BICC1: variants seen among roughly 807,000 people sequenced by gnomAD.
The protein encoded by BICC1 is BicC family RNA binding protein 1.
BICC1 carries 43 observed loss-of-function variants against 111.0 expected under a neutral mutation model. The ratio of observed to expected loss-of-function variants is 0.39; its 90% CI spans 0.30 to 0.50. The LOEUF (loss-of-function observed/expected upper bound fraction) is 0.50. Among genes scored for constraint, BICC1 ranks in the 20% least tolerant of loss-of-function variants. BICC1 has a pLI of 0.88. For missense variants in BICC1, 1,091 were observed against 1,203.2 expected, an observed-to-expected ratio of 0.91 and a Z score of 1.38; for synonymous variants, 467 against 434.4, an observed-to-expected ratio of 1.07 and a Z score of -0.93.
intron 2 of BICC1, among the ~76,000 whole-genome samples, chr10:58,659,242 C>T (rs1026715574): frequency 2.0e-5 from 3 of 152,054 alleles, no homozygotes; most frequent in Non-Finnish European, 4.4e-5. Context: ...TGGGTATGTA[C>T]CCGAAGGAAT....
At chr10:58,653,288 GT>G (rs917215710) in intron 2 of BICC1, among the ~76,000 whole-genome samples, 1 of 152,072 alleles carries the variant, frequency 6.6e-6, no homozygotes, top group Non-Finnish European at 1.5e-5. Flanking sequence ...ACCAGAAATA[GT>G]TTTGGGATTC....
intron 1 of BICC1, among the ~76,000 whole-genome samples, chr10:58,602,510 A>T (rs749349080): frequency 8.5e-5 from 13 of 152,212 alleles, no homozygotes; most frequent in Non-Finnish European, 1.8e-4. Flanking sequence ...CTTTAAACGG[A>T]ATAAATTATA....
chr10:58,569,785 C>T (rs1398443710), intron 1 of BICC1, among the ~76,000 whole-genome samples: 1 of 152,166 alleles, frequency 6.6e-6, no homozygotes, highest in Non-Finnish European at 1.5e-5. Context: ...TTCATCCAGT[C>T]TGTCATTGGT....
chr10:58,512,610 A>G (rs1197182669), upstream of BICC1, among the ~76,000 whole-genome samples: 1 of 151,762 alleles, frequency 6.6e-6, no homozygotes, highest in African/African-American at 2.4e-5. Flanking sequence ...TTACGTGGAT[A>G]CTCCATGTGC....
At chr10:58,689,588 C>T (rs187152452) in intron 2 of BICC1, among the ~76,000 whole-genome samples, 2 of 152,322 alleles carry the variant, frequency 1.3e-5, no homozygotes, top group African/African-American at 4.8e-5. Context: ...AGGAAAAAAG[C>T]AAGAGACAGT....
chr10:58,578,145 C>T (rs898726567), intron 1 of BICC1, among the ~76,000 whole-genome samples: 5 of 152,228 alleles, frequency 3.3e-5, no homozygotes, highest in East Asian at 3.9e-4. Context: ...TTAACATTTT[C>T]CCTTATGAAA....
chr10:58,684,623 A>T (rs1040611608), intron 2 of BICC1, among the ~76,000 whole-genome samples: 4 of 152,116 alleles, frequency 2.6e-5, no homozygotes, highest in African/African-American at 4.8e-5. Context: ...TGTGTCAAGG[A>T]ATTTATCCAT....
At chr10:58,648,753 C>T in intron 2 of BICC1, 1 of 671,620 alleles carries the variant, frequency 1.5e-6, no homozygotes. Flanking sequence ...TTATCTTAAT[C>T]ATGATGACTC....
At chr10:58,812,665 A>G (rs892938076) in intron 17 of BICC1, among the ~76,000 whole-genome samples, 7 of 152,024 alleles carry the variant, frequency 4.6e-5, no homozygotes, top group South Asian at 4.2e-4. Flanking sequence ...TTTAGTAGAT[A>G]TGGGGTTTCA....
chr10:58,659,797 T>C (rs1206688369), intron 2 of BICC1, among the ~76,000 whole-genome samples: 1 of 152,126 alleles, frequency 6.6e-6, no homozygotes, highest in Non-Finnish European at 1.5e-5. Flanking sequence ...ATAGTAGTTA[T>C]TGGTGAAAAT....
chr10:58,730,152 T>C (rs1841242696), intron 3 of BICC1, among the ~76,000 whole-genome samples: 1 of 152,178 alleles, frequency 6.6e-6, no homozygotes, highest in South Asian at 2.1e-4. Flanking sequence ...AATGAAGGTA[T>C]AGGCATTAGG....
At chr10:58,590,740 A>G (rs892878005) in intron 1 of BICC1, among the ~76,000 whole-genome samples, 2 of 152,206 alleles carry the variant, frequency 1.3e-5, no homozygotes, top group Admixed American at 1.3e-4. Flanking sequence ...TTACCTCAGC[A>G]TTTAAGATCC....
intron 1 of BICC1, among the ~76,000 whole-genome samples, chr10:58,558,486 C>T (rs903729160): frequency 2.6e-5 from 4 of 152,008 alleles, no homozygotes; most frequent in Non-Finnish European, 5.9e-5. Context: ...TTGTTTCCCC[C>T]CAGGAATCGG....
At chr10:58,715,291 A>G (rs1840704431) in intron 3 of BICC1, among the ~76,000 whole-genome samples, 1 of 152,190 alleles carries the variant, frequency 6.6e-6, no homozygotes, top group Admixed American at 6.5e-5. Flanking sequence ...CTTAAGCAAA[A>G]TAAATTCTGC....
At chr10:58,678,114 C>G (rs1403033878) in intron 2 of BICC1, among the ~76,000 whole-genome samples, 1 of 152,176 alleles carries the variant, frequency 6.6e-6, no homozygotes, top group Non-Finnish European at 1.5e-5. Flanking sequence ...ACCATCGATG[C>G]TAGGAAGAAA....
chr10:58,678,772 C>A (rs1440201142), intron 2 of BICC1, among the ~76,000 whole-genome samples: 1 of 152,088 alleles, frequency 6.6e-6, no homozygotes, highest in African/African-American at 2.4e-5. Context: ...CTAAAACTGA[C>A]CACATAATTG....
intron 3 of BICC1, among the ~76,000 whole-genome samples, chr10:58,738,619 G>C (rs1841552785): frequency 7.0e-6 from 1 of 143,776 alleles, no homozygotes; most frequent in Non-Finnish European, 1.5e-5. Flanking sequence ...TTCCAATTCT[G>C]TGAAGAAAGT....
chr10:58,809,463 C>T (rs569510643), intron 17 of BICC1, among the ~76,000 whole-genome samples: 18 of 151,678 alleles, frequency 1.2e-4, no homozygotes, highest in African/African-American at 2.7e-4. Context: ...TGGTCTCAAA[C>T]TGCTGGGCTC....
At chr10:58,687,836 C>A (rs982331523) in intron 2 of BICC1, among the ~76,000 whole-genome samples, 4 of 152,168 alleles carry the variant, frequency 2.6e-5, no homozygotes, top group Non-Finnish European at 5.9e-5. Flanking sequence ...GGCAATGCCC[C>A]ACTCTGGTCC....
Sources: allele counts gnomAD v4.1 joint callset (sites outside exome capture counted in the v4.1 genomes callset), GRCh38; gene constraint gnomAD v4.1.1; transcripts MANE v1.5; gene names NCBI Gene and HGNC (gene_info 2026-07-23, HGNC 2026-07-21).